Variants in LRRTM4 observed in about 807,000 individuals in gnomAD.
LRRTM4 encodes leucine-rich repeat transmembrane neuronal protein 4.
A neutral mutation model predicts 47.6 loss-of-function variants in LRRTM4; 25 were observed. The ratio of observed to expected loss-of-function variants is 0.53; its 90% confidence interval spans 0.38 to 0.73. The LOEUF (loss-of-function observed/expected upper bound fraction) is 0.73. LRRTM4 is among the 30% of genes least tolerant of loss of function. The probability of loss-of-function intolerance (pLI) is 0.00; values close to 1 mark genes in which losing one functional copy is unlikely to be tolerated. For missense variants in LRRTM4, 638 were observed against 713.4 expected (o/e 0.89, Z 1.20); for synonymous variants, 311 against 269.5 (o/e 1.15, Z -1.51).
At chr2:76,909,536 C>T (rs576641693) in intron 3 of LRRTM4, among the ~76,000 whole-genome samples, 1 of 152,082 alleles carries the variant, frequency 6.6e-6, no homozygotes, top group East Asian at 1.9e-4. Context: ...GCAAAAGAAA[C>T]TACCATCAGA....
chr2:77,350,430 A>T (rs946665981), intron 3 of LRRTM4, among the ~76,000 whole-genome samples: 22 of 151,382 alleles, frequency 1.5e-4, no homozygotes, highest in Non-Finnish European at 2.4e-4. Context: ...AATACATTTG[A>T]AATAAATATT....
At chr2:77,424,284 C>A (rs570695162) in intron 3 of LRRTM4, among the ~76,000 whole-genome samples, 34 of 151,304 alleles carry the variant, frequency 2.2e-4, no homozygotes, top group Admixed American at 4.6e-4. Context: ...GAAGCAATCA[C>A]TAGAAAACTG....
At chr2:77,414,020 G>A (rs900703811) in intron 3 of LRRTM4, among the ~76,000 whole-genome samples, 1 of 152,146 alleles carries the variant, frequency 6.6e-6, no homozygotes, top group Non-Finnish European at 1.5e-5. Context: ...AAAGTGAGGA[G>A]ATATTTGCAA....
intron 3 of LRRTM4, among the ~76,000 whole-genome samples, chr2:76,789,023 A>T (rs1264653728): frequency 6.6e-6 from 1 of 152,144 alleles, no homozygotes; most frequent in Non-Finnish European, 1.5e-5. Context: ...AATGCTTGGC[A>T]CCCTGCTTCT....
At chr2:76,843,908 C>CTTTTTTTTTTTTTTTT (rs538704879) in intron 3 of LRRTM4, among the ~76,000 whole-genome samples, 1 of 145,374 alleles carries the variant, frequency 6.9e-6, no homozygotes. Flanking sequence ...TTTCTTTTTT[C>CTTTTTTTTTTTTTTTT]ATTTTTTTTT....
chr2:77,368,723 G>T (rs1558710874), intron 3 of LRRTM4, among the ~76,000 whole-genome samples: 1 of 151,852 alleles, frequency 6.6e-6, no homozygotes, highest in South Asian at 2.1e-4. Context: ...TTACTCCATT[G>T]TGGTCCAAAC....
At chr2:77,404,076 G>A (rs1438981362) in intron 3 of LRRTM4, among the ~76,000 whole-genome samples, 1 of 151,796 alleles carries the variant, frequency 6.6e-6, no homozygotes, top group Non-Finnish European at 1.5e-5. Context: ...GTCATAACTT[G>A]TCTTGCCTGG....
intron 3 of LRRTM4, among the ~76,000 whole-genome samples, chr2:77,107,541 G>C (rs981993273): frequency 5.3e-5 from 8 of 152,048 alleles, no homozygotes; most frequent in African/African-American, 1.9e-4. Context: ...TAACTAGGCC[G>C]GGCATGGTGG....
At chr2:77,051,715 G>C (rs1679438914) in intron 3 of LRRTM4, among the ~76,000 whole-genome samples, 1 of 152,062 alleles carries the variant, frequency 6.6e-6, no homozygotes. Context: ...TTTTGTGTAG[G>C]GCTGTCATCT....
intron 3 of LRRTM4, among the ~76,000 whole-genome samples, chr2:76,942,009 C>G (rs779175775): frequency 1.5e-4 from 23 of 152,198 alleles, no homozygotes; most frequent in Non-Finnish European, 2.2e-4. Flanking sequence ...CCCATTCTAA[C>G]TGGAGAGAGA....
chr2:77,073,591 T>C (rs903929640), intron 3 of LRRTM4, among the ~76,000 whole-genome samples: 1 of 152,120 alleles, frequency 6.6e-6, no homozygotes, highest in Non-Finnish European at 1.5e-5. Context: ...TGCAACAGTC[T>C]TTCTACACCA....
chr2:77,482,780 G>A (rs7597037), intron 3 of LRRTM4, among the ~76,000 whole-genome samples: 7,903 of 152,100 alleles, frequency 0.052, 255 homozygotes, highest in Middle Eastern at 0.1. Context: ...CTGAAAAACA[G>A]TAAAACTTAT....
chr2:77,088,615 A>C (rs1463204974), intron 3 of LRRTM4, among the ~76,000 whole-genome samples: 1 of 152,112 alleles, frequency 6.6e-6, no homozygotes, highest in South Asian at 2.1e-4. Context: ...CAGGTGAAAT[A>C]AACAGCCATG....
At position 76,841,675 on chromosome 2, in the gene LRRTM4, A is replaced by C. The variant is rs1263993961; in HGVS notation, c.1552-92759T>G. Among the ~76,000 whole-genome samples, 2 of 150,012 alleles carry C rather than the reference A, an allele frequency of 1.3e-5. 1 individual carries two copies. Among genetic ancestry groups the C allele is most frequent in the South Asian group, 4.2e-4 (2 of 4,754 alleles). ...TTTGGTAACCTGGAGAAAAAAAAAA[A>C]AAACTTTACTGTGTATATATATATA... is the stretch of plus-strand genomic sequence containing the variant. On this transcript the variant is annotated intron_variant, in intron 3 of 3. Coordinates refer to ENST00000409884, the MANE Select transcript of LRRTM4 (RefSeq NM_001134745.3).
intron 3 of LRRTM4, among the ~76,000 whole-genome samples, chr2:77,310,571 G>A (rs1162970174): frequency 6.6e-6 from 1 of 152,106 alleles, no homozygotes; most frequent in Non-Finnish European, 1.5e-5. Flanking sequence ...CTGGAAGGGG[G>A]ACAACTGCTC....
chr2:77,446,028 T>C (rs1676036951), intron 3 of LRRTM4, among the ~76,000 whole-genome samples: 1 of 152,038 alleles, frequency 6.6e-6, no homozygotes, highest in African/African-American at 2.4e-5. Flanking sequence ...CTGAGTTCCT[T>C]TGAGACAGGG....
chr2:76,846,920 T>A (rs1397449760), intron 3 of LRRTM4, among the ~76,000 whole-genome samples: 1 of 152,292 alleles, frequency 6.6e-6, no homozygotes, highest in Non-Finnish European at 1.5e-5. Flanking sequence ...TAAATACAAA[T>A]GAATAGTTTG....
At chr2:77,316,107 C>T (rs1677610648) in intron 3 of LRRTM4, among the ~76,000 whole-genome samples, 1 of 152,112 alleles carries the variant, frequency 6.6e-6, no homozygotes, top group Non-Finnish European at 1.5e-5. Flanking sequence ...TGATTGTTCT[C>T]TTTAACAGAG....
chr2:77,322,264 A>G (rs542529343), intron 3 of LRRTM4, among the ~76,000 whole-genome samples: 1 of 152,194 alleles, frequency 6.6e-6, no homozygotes, highest in East Asian at 1.9e-4. Flanking sequence ...TTCTTTATAT[A>G]TGGGTAACTT....
Sources: allele counts gnomAD v4.1 joint callset (sites outside exome capture counted in the v4.1 genomes callset), GRCh38; gene constraint gnomAD v4.1.1; transcripts MANE v1.5; gene names NCBI Gene and HGNC (gene_info 2026-07-23, HGNC 2026-07-21).